Variants in TRPM3 observed in about 807,000 individuals in gnomAD.
TRPM3 encodes the protein transient receptor potential cation channel subfamily M member 3.
TRPM3 carries 77 observed loss-of-function variants against 181.2 expected under a neutral mutation model. That is an observed-to-expected ratio of 0.42 (90% confidence interval 0.35 to 0.51). The LOEUF (loss-of-function observed/expected upper bound fraction) is 0.51. Among genes scored for constraint, TRPM3 ranks in the 20% least tolerant of loss-of-function variants. The pLI, the probability that TRPM3 is intolerant of heterozygous loss-of-function variation, is 0.01. For missense variants in TRPM3, 1,759 were observed against 2,196.7 expected (o/e 0.80, Z 3.98); for synonymous variants, 745 against 796.4 (o/e 0.94, Z 1.09).
intron 1 of TRPM3, among the ~76,000 whole-genome samples, chr9:71,192,467 T>G (rs1378794976): frequency 6.6e-6 from 1 of 151,956 alleles, no homozygotes. Flanking sequence ...AAGTATGAGC[T>G]GATATCTCAT....
intron 6 of TRPM3, among the ~76,000 whole-genome samples, chr9:70,809,239 G>T (rs1415617989): frequency 6.6e-6 from 1 of 152,040 alleles, no homozygotes; most frequent in Non-Finnish European, 1.5e-5. Flanking sequence ...AGTTTACAAA[G>T]TAAAAAAGTT....
intron 18 of TRPM3, among the ~76,000 whole-genome samples, chr9:70,613,449 G>C (rs1187769581): frequency 1.3e-5 from 2 of 152,188 alleles, no homozygotes; most frequent in Non-Finnish European, 2.9e-5. Flanking sequence ...TTCCAAGAGA[G>C]GATATACTGG....
intron 1 of TRPM3, among the ~76,000 whole-genome samples, chr9:71,171,072 A>C (rs2076829751): frequency 6.6e-6 from 1 of 152,288 alleles, no homozygotes; most frequent in African/African-American, 2.4e-5. Context: ...GAGACTGCAG[A>C]GGTGAAATAG....
chr9:71,394,461 A>G (rs1018335420), intron 1 of TRPM3, among the ~76,000 whole-genome samples: 3 of 152,224 alleles, frequency 2.0e-5, no homozygotes, highest in Non-Finnish European at 4.4e-5. Flanking sequence ...ATTACACATA[A>G]TTTCTAAAGA....
intron 6 of TRPM3, among the ~76,000 whole-genome samples, chr9:70,808,179 C>T (rs1354067080): frequency 6.6e-6 from 1 of 152,112 alleles, no homozygotes; most frequent in African/African-American, 2.4e-5. Flanking sequence ...ATGCTAGGAA[C>T]CTATTGTATC....
chr9:71,089,768 C>G (rs1260258779), intron 1 of TRPM3, among the ~76,000 whole-genome samples: 1 of 152,080 alleles, frequency 6.6e-6, no homozygotes, highest in East Asian at 1.9e-4. Flanking sequence ...GAAGGCCACT[C>G]AGCGGATGTC....
At chr9:70,919,460 T>C (rs59376285) in intron 1 of TRPM3, among the ~76,000 whole-genome samples, 4,014 of 152,246 alleles carry the variant, frequency 0.026, 188 homozygotes, top group African/African-American at 0.091. Context: ...TCAAACATAA[T>C]CATTTTCATC....
chr9:71,181,089 T>G (rs2077375781), intron 1 of TRPM3, among the ~76,000 whole-genome samples: 2 of 152,132 alleles, frequency 1.3e-5, no homozygotes, highest in Non-Finnish European at 1.5e-5. Flanking sequence ...TTCATTTCCA[T>G]TAAGATAATT....
At position 70,532,372 on chromosome 9, in the gene TRPM3, A is replaced by G. The variant is rs529767866; in HGVS notation, c.*3581T>C. 4.6e-5 allele frequency: 7 copies of G among 152,314 alleles called. No homozygotes were observed. In the South Asian group the frequency reaches 8.3e-4, roughly 18 times the overall value. The allele number at this position is 152,314 out of a possible 1,614,324, so 9.4% of individuals were successfully genotyped here. A position where few individuals can be genotyped will look rare whatever the true frequency, so the allele number is the denominator to read the frequency against. ...TTCTCGTTTGATTATTCTTATATAT[A>G]TATTTTAAAAGGGGAACTTTCAAAG... On this transcript the variant is annotated 3_prime_UTR_variant, in exon 26 of 26. Transcript: ENST00000677713.
At chr9:71,130,428 A>C (rs2074299823) in intron 1 of TRPM3, among the ~76,000 whole-genome samples, 1 of 152,208 alleles carries the variant, frequency 6.6e-6, no homozygotes, top group Admixed American at 6.5e-5. Context: ...TGTTATAGTA[A>C]GTACAGACCA....
chr9:71,097,452 A>G (rs2067512735), intron 1 of TRPM3, among the ~76,000 whole-genome samples: 1 of 152,130 alleles, frequency 6.6e-6, no homozygotes, highest in African/African-American at 2.4e-5. Context: ...TAACATATTT[A>G]TATGTGAAAA....
chr9:71,404,160 T>C (rs558862112), intron 1 of TRPM3, among the ~76,000 whole-genome samples: 1 of 152,282 alleles, frequency 6.6e-6, no homozygotes, highest in African/African-American at 2.4e-5. Flanking sequence ...CCAAGGTGAT[T>C]GCAAGAATGA....
At chr9:70,682,248 C>A (rs1438765626) in intron 8 of TRPM3, among the ~76,000 whole-genome samples, 2 of 152,018 alleles carry the variant, frequency 1.3e-5, no homozygotes, top group African/African-American at 4.8e-5. Flanking sequence ...ACCTTCCATT[C>A]TTTCTGGTTT....
At chr9:70,993,110 A>G (rs1384039237) in intron 1 of TRPM3, among the ~76,000 whole-genome samples, 1 of 152,216 alleles carries the variant, frequency 6.6e-6, no homozygotes, top group Admixed American at 6.5e-5. Context: ...AGCTGGTACC[A>G]TATTGTAGGA....
chr9:71,412,846 C>T (rs1304252660), intron 1 of TRPM3, among the ~76,000 whole-genome samples: 1 of 152,146 alleles, frequency 6.6e-6, no homozygotes, highest in Non-Finnish European at 1.5e-5. Context: ...ATGGAACCAA[C>T]CCAAATGTCC....
chr9:71,384,948 T>C, intron 1 of TRPM3, among the ~76,000 whole-genome samples: 1 of 152,184 alleles, frequency 6.6e-6, no homozygotes, highest in South Asian at 2.1e-4. Context: ...GTAATTTGTA[T>C]AATGGACTCT....
intron 1 of TRPM3, among the ~76,000 whole-genome samples, chr9:71,405,281 A>G (rs968322718): frequency 6.6e-6 from 1 of 152,242 alleles, no homozygotes; most frequent in Non-Finnish European, 1.5e-5. Context: ...CTATACATAC[A>G]GCAAAGTGCA....
At chr9:71,220,891 T>C (rs1393008340) in intron 1 of TRPM3, among the ~76,000 whole-genome samples, 3 of 152,128 alleles carry the variant, frequency 2.0e-5, no homozygotes, top group Admixed American at 6.6e-5. Flanking sequence ...CTCACTTTGC[T>C]TTAACACTAA....
intron 1 of TRPM3, among the ~76,000 whole-genome samples, chr9:70,970,590 G>A (rs1312230645): frequency 6.6e-6 from 1 of 152,002 alleles, no homozygotes; most frequent in Non-Finnish European, 1.5e-5. Flanking sequence ...TCTTTCTGGA[G>A]CTTCACATCA....
Sources: allele counts gnomAD v4.1 joint callset (sites outside exome capture counted in the v4.1 genomes callset), GRCh38; gene constraint gnomAD v4.1.1; transcripts MANE v1.5; gene names NCBI Gene and HGNC (gene_info 2026-07-23, HGNC 2026-07-21).